The following CEP85L variants were observed in gnomAD, a reference collection of about 807,000 sequenced individuals.
CEP85L encodes centrosomal protein 85L.
In CEP85L, 60 loss-of-function variants were observed where a neutral mutation model predicts 100.3. The observed-to-expected ratio is 0.60, with a 90% CI of 0.49 to 0.74. CEP85L has a LOEUF of 0.74. Ranked by LOEUF, CEP85L falls within the 30% of genes least tolerant of loss-of-function variation. The probability of loss-of-function intolerance (pLI) is 0.00; values close to 1 mark genes in which losing one functional copy is unlikely to be tolerated. For synonymous variants in CEP85L, 319 were observed against 322.7 expected (o/e 0.99, Z 0.12); for missense variants, 973 against 936.2 (o/e 1.04, Z -0.51).
intron 9 of CEP85L, among the ~76,000 whole-genome samples, 166 bp from the exon 10 acceptor site, chr6:118,480,087 A>G (rs551816858): frequency 6.6e-6 from 1 of 152,236 alleles, no homozygotes; most frequent in Admixed American, 6.5e-5. Flanking sequence ...GTATAAAACT[A>G]CAAAAGTCTT....
At chr6:118,579,514 C>A (rs1780444755) in intron 2 of CEP85L, among the ~76,000 whole-genome samples, 1 of 152,156 alleles carries the variant, frequency 6.6e-6, no homozygotes, top group Non-Finnish European at 1.5e-5. Flanking sequence ...AGGCAGTTGA[C>A]CTGTAGAGAG....
intron 5 of CEP85L, among the ~76,000 whole-genome samples, chr6:118,498,042 TA>T (rs1173651733): frequency 6.6e-6 from 1 of 152,222 alleles, no homozygotes; most frequent in Non-Finnish European, 1.5e-5. Flanking sequence ...GTACTTATCA[TA>T]AGGTACACTT....
intron 6 of CEP85L, among the ~76,000 whole-genome samples, chr6:118,486,912 A>C (rs1223546852): frequency 1.3e-5 from 2 of 152,116 alleles, no homozygotes; most frequent in Non-Finnish European, 2.9e-5. Context: ...CCTGGCAAAA[A>C]TTACCTGAAA....
At chr6:118,600,300 G>GGGTGTGTGTGTGTGTGTGTGT (rs1562297733) in intron 2 of CEP85L, among the ~76,000 whole-genome samples, 1 of 52,236 alleles carries the variant, frequency 1.9e-5, no homozygotes. Context: ...CCTTCCTGGG[G>GGGTGTGTGTGTGTGTGTGTGT]GTGTGTGTGT....
intron 1 of CEP85L, among the ~76,000 whole-genome samples, chr6:118,663,314 A>G (rs1776033147): frequency 6.6e-6 from 1 of 152,234 alleles, no homozygotes; most frequent in African/African-American, 2.4e-5. Flanking sequence ...ACACACTGGA[A>G]AAACTGTATG....
intron 3 of CEP85L, among the ~76,000 whole-genome samples, chr6:118,530,336 G>C (rs375636980): frequency 6.9e-6 from 1 of 144,734 alleles, no homozygotes; most frequent in African/African-American, 2.6e-5. Flanking sequence ...TTTGTGCAAC[G>C]AACTAGGCAT....
intron 5 of CEP85L, among the ~76,000 whole-genome samples, chr6:118,504,428 A>T (rs199720357): frequency 9.8e-4 from 149 of 152,264 alleles, no homozygotes; most frequent in African/African-American, 3.1e-3. Context: ...ATTTAAAAAA[A>T]AATAATAATA....
At chr6:118,537,009 T>A (rs1039151603) in intron 3 of CEP85L, among the ~76,000 whole-genome samples, 2 of 152,094 alleles carry the variant, frequency 1.3e-5, no homozygotes, top group Admixed American at 1.3e-4. Context: ...AAAATATACA[T>A]CTTGACAATA....
At chr6:118,672,842 A>G (rs924703246) in intron 1 of CEP85L, among the ~76,000 whole-genome samples, 1 of 151,858 alleles carries the variant, frequency 6.6e-6, no homozygotes, top group Non-Finnish European at 1.5e-5. Flanking sequence ...GAGGAGGAAG[A>G]GGAGGAGGAA....
intron 1 of CEP85L, among the ~76,000 whole-genome samples, chr6:118,694,579 A>T (rs1777146409): frequency 1.3e-5 from 2 of 152,166 alleles, no homozygotes; most frequent in Non-Finnish European, 2.9e-5. Context: ...GTGACATGTG[A>T]TGGAAATTTG....
rs1325144271 is a variant in CEP85L at position 118,460,984 on chromosome 6, A to G, written c.*4421T>C. On this transcript the variant is annotated 3_prime_UTR_variant, in exon 13 of 13. Transcript: ENST00000368491. ...ACAAAAAAAGAGGCAAGAATGATAG[A>G]TCAGAAGGCATAAGCCAACCAGTGG... The G allele has an allele frequency of 2.0e-5, 3 of 152,066 alleles. No individual in the cohort carries two copies. The highest frequency in any genetic ancestry group is 2.9e-5 in the Non-Finnish European group (2 of 67,984). 9.4% of individuals were successfully genotyped at this position (152,066 alleles called of 1,614,324 possible).
upstream of CEP85L, chr6:118,652,478 C>G (rs902133104): frequency 7.6e-7 from 1 of 1,308,064 alleles, no homozygotes; most frequent in African/African-American, 1.5e-5. Context: ...TGGGCCAGCA[C>G]TGTGGTGGGA....
At chr6:118,567,109 G>A (rs1583064633) in intron 2 of CEP85L, among the ~76,000 whole-genome samples, 2 of 151,410 alleles carry the variant, frequency 1.3e-5, no homozygotes, top group South Asian at 4.2e-4. Context: ...ATGAGTAAAG[G>A]TGCTCCTGCA....
chr6:118,520,899 C>A (rs1342186714), intron 4 of CEP85L, among the ~76,000 whole-genome samples: 1 of 152,140 alleles, frequency 6.6e-6, no homozygotes, highest in African/African-American at 2.4e-5. Flanking sequence ...TTAATCTATA[C>A]ACTTTTTCTC....
At chr6:118,547,601 T>C (rs1037815417) in intron 3 of CEP85L, among the ~76,000 whole-genome samples, 33 of 152,244 alleles carry the variant, frequency 2.2e-4, no homozygotes, top group African/African-American at 7.5e-4. Flanking sequence ...AGTAGCATAT[T>C]GCTATTTTGG....
intron 12 of CEP85L, among the ~76,000 whole-genome samples, chr6:118,468,543 G>C (rs1413857289): frequency 6.6e-6 from 1 of 152,136 alleles, no homozygotes; most frequent in East Asian, 1.9e-4. Flanking sequence ...CAGAATTGAG[G>C]CCAAGAGTGA....
chr6:118,548,256 C>G (rs1778328013), intron 3 of CEP85L: 1 of 151,990 alleles, frequency 6.6e-6, no homozygotes, highest in Non-Finnish European at 1.5e-5. Context: ...TAAGACCTCC[C>G]TAGAACACTT....
In CEP85L at chr6:118,517,940, T is replaced by A. The variant is rs941713013; in HGVS notation, c.1139+5862A>T. 5.3e-5 allele frequency among the ~76,000 whole-genome samples: 8 copies of A among 152,238 alleles called. No individual in the cohort carries two copies. The East Asian group carries it at 1.3e-3, about 26-fold the overall frequency. ...TACCTAGTTTATTGAGTTTTTAGCA[T>A]GAAGGGGTGTCGAATTTTATCGAAG... On this transcript the variant is annotated intron_variant, in intron 4 of 12. Coordinates refer to ENST00000368491, the MANE Select transcript of CEP85L (RefSeq NM_001042475.3).
intron 2 of CEP85L, among the ~76,000 whole-genome samples, chr6:118,621,331 G>A (rs1441751283): frequency 6.6e-6 from 1 of 152,176 alleles, no homozygotes; most frequent in African/African-American, 2.4e-5. Context: ...GATACCAGAG[G>A]AAGCAGAACG....
Sources: gnomAD v4.1 joint callset for allele counts (sites outside exome capture counted in the v4.1 genomes callset) on GRCh38, gnomAD v4.1.1 for gene constraint, MANE v1.5 for transcripts, NCBI Gene and HGNC (gene_info 2026-07-23, HGNC 2026-07-21) for gene names.